The following CHCHD6 variants were observed in gnomAD, a reference collection of about 807,000 sequenced individuals.
The protein encoded by CHCHD6 is coiled-coil-helix-coiled-coil-helix domain containing 6, also known as MICOS complex subunit MIC25.
A neutral mutation model predicts 32.3 loss-of-function variants in CHCHD6; 28 were observed. The observed-to-expected ratio is 0.87, with a 90% confidence interval of 0.64 to 1.19. CHCHD6 has a LOEUF of 1.19. Among genes scored for constraint, CHCHD6 ranks in the 50% most tolerant of loss-of-function variants. The pLI is 0.00. For missense variants in CHCHD6, 333 were observed against 307.0 expected, an observed-to-expected ratio of 1.08 and a Z score of -0.63; for synonymous variants, 122 against 117.5, an observed-to-expected ratio of 1.04 and a Z score of -0.25.
intron 4 of CHCHD6, chr3:126,766,951 T>TGGGA (rs1937394803): frequency 9.9e-7 from 1 of 1,010,230 alleles, no homozygotes; most frequent in South Asian, 1.4e-5. Context: ...GACTCACTTC[T>TGGGA]GGGAGTCCAG....
intron 4 of CHCHD6, among the ~76,000 whole-genome samples, chr3:126,734,563 C>T (rs1935956360): frequency 6.6e-6 from 1 of 152,172 alleles, no homozygotes; most frequent in Non-Finnish European, 1.5e-5. Context: ...GAACCAGGCC[C>T]TCTGGGAAAT....
intron 5 of CHCHD6, among the ~76,000 whole-genome samples, chr3:126,864,934 T>A (rs1429724994): frequency 1.4e-5 from 2 of 143,304 alleles, no homozygotes; most frequent in Admixed American, 6.9e-5. Flanking sequence ...CACCATCACC[T>A]CCTCCTCCAC....
chr3:126,779,855 C>A (rs1349569034), intron 4 of CHCHD6, among the ~76,000 whole-genome samples: 1 of 152,204 alleles, frequency 6.6e-6, no homozygotes, highest in African/African-American at 2.4e-5. Flanking sequence ...AGGTTATAAA[C>A]TCCTTAGGGC....
intron 4 of CHCHD6, among the ~76,000 whole-genome samples, chr3:126,829,884 G>T (rs1284547016): frequency 6.6e-6 from 1 of 152,112 alleles, no homozygotes; most frequent in African/African-American, 2.4e-5. Context: ...GATCACCTGA[G>T]GTCAGGAGTT....
chr3:126,864,036 C>T (rs975136414), intron 5 of CHCHD6, among the ~76,000 whole-genome samples: 6 of 150,200 alleles, frequency 4.0e-5, no homozygotes. Context: ...CCACCATCAC[C>T]ACCTCCTCCT....
At chr3:126,839,043 T>C (rs1023063130) in intron 4 of CHCHD6, among the ~76,000 whole-genome samples, 1 of 151,956 alleles carries the variant, frequency 6.6e-6, no homozygotes, top group African/African-American at 2.4e-5. Flanking sequence ...CATGCACCAC[T>C]ATGCCCAGCT....
chr3:126,809,201 T>G (rs1343149428), intron 4 of CHCHD6, among the ~76,000 whole-genome samples: 1 of 152,192 alleles, frequency 6.6e-6, no homozygotes, highest in Non-Finnish European at 1.5e-5. Flanking sequence ...CTGGAACTCC[T>G]GGCATCAAGT....
At chr3:126,708,159 A>G (rs1934585135) in intron 1 of CHCHD6, among the ~76,000 whole-genome samples, 1 of 152,204 alleles carries the variant, frequency 6.6e-6, no homozygotes, top group African/African-American at 2.4e-5. Context: ...TGAAGAGTGC[A>G]TATTCACTCT....
At chr3:126,869,409 A>G (rs1255974529) in intron 5 of CHCHD6, among the ~76,000 whole-genome samples, 2 of 151,842 alleles carry the variant, frequency 1.3e-5, no homozygotes, top group East Asian at 1.9e-4. Context: ...GATACATCCA[A>G]ACTTCTCAAT....
At chr3:126,855,281 C>T (rs1941623502) in intron 5 of CHCHD6, among the ~76,000 whole-genome samples, 1 of 152,182 alleles carries the variant, frequency 6.6e-6, no homozygotes, top group Non-Finnish European at 1.5e-5. Flanking sequence ...AGCCCATGAG[C>T]CTTGGCTCCC....
intron 6 of CHCHD6, among the ~76,000 whole-genome samples, chr3:126,951,797 G>A (rs2078719159): frequency 6.6e-6 from 1 of 152,198 alleles, no homozygotes; most frequent in Non-Finnish European, 1.5e-5. Context: ...ATGGCAGGGT[G>A]ACAGGTCACA....
At chr3:126,824,866 A>G (rs1184229034) in intron 4 of CHCHD6, among the ~76,000 whole-genome samples, 1 of 152,074 alleles carries the variant, frequency 6.6e-6, no homozygotes, top group Non-Finnish European at 1.5e-5. Flanking sequence ...GGTGTGAGCC[A>G]CTGTGCCCGG....
rs539700471 is a variant in CHCHD6, at chr3:126,957,151, C to G, written c.567-265C>G. 142 of 535,182 alleles carry G rather than the reference C, an allele frequency of 2.7e-4. 1 individual carries two copies. In the East Asian group the frequency reaches 4.4e-3, roughly 16 times the overall value. 33.2% of individuals were successfully genotyped at this position (535,182 alleles called of 1,614,324 possible). ...GTACACAGGCCCCAGTGAAGGAGCC[C>G]GGTGTGGAGCCCCATACCACAGCAT... On this transcript the variant is annotated intron_variant, in intron 6 of 7. Coordinates refer to ENST00000290913, the MANE Select transcript of CHCHD6 (RefSeq NM_032343.3).
At chr3:126,924,918 C>T (rs756720245) in intron 6 of CHCHD6, among the ~76,000 whole-genome samples, 1 of 152,234 alleles carries the variant, frequency 6.6e-6, no homozygotes, top group African/African-American at 2.4e-5. Flanking sequence ...GCCTCCATCA[C>T]CTGCCTTTCA....
chr3:126,726,867 T>C (rs528850768), intron 1 of CHCHD6, among the ~76,000 whole-genome samples: 7 of 152,162 alleles, frequency 4.6e-5, no homozygotes, highest in African/African-American at 1.7e-4. Flanking sequence ...AGGGGACATA[T>C]ATTGGTAGGC....
chr3:126,775,162 G>A (rs1305999030), intron 4 of CHCHD6, among the ~76,000 whole-genome samples: 1 of 152,120 alleles, frequency 6.6e-6, no homozygotes, highest in African/African-American at 2.4e-5. Flanking sequence ...TCAAAGATTT[G>A]GTTCACATTA....
At chr3:126,878,943 A>G (rs1001820911) in intron 5 of CHCHD6, among the ~76,000 whole-genome samples, 2 of 152,148 alleles carry the variant, frequency 1.3e-5, no homozygotes, top group Non-Finnish European at 1.5e-5. Flanking sequence ...ATCTGGGAAG[A>G]CTTGATGGCT....
intron 5 of CHCHD6, among the ~76,000 whole-genome samples, chr3:126,876,480 G>C (rs371298253): frequency 5.9e-5 from 9 of 152,130 alleles, no homozygotes; most frequent in Admixed American, 4.6e-4. Flanking sequence ...TCTCATTCTT[G>C]GTATTTGTAT....
chr3:126,784,316 C>T (rs1034678085), intron 4 of CHCHD6, among the ~76,000 whole-genome samples: 2 of 152,220 alleles, frequency 1.3e-5, no homozygotes, highest in Non-Finnish European at 2.9e-5. Flanking sequence ...CTTTCTCTTT[C>T]CTTTCAATGC....
Sources: gnomAD v4.1 joint callset for allele counts (sites outside exome capture counted in the v4.1 genomes callset) on GRCh38, gnomAD v4.1.1 for gene constraint, MANE v1.5 for transcripts, NCBI Gene and HGNC (gene_info 2026-07-23, HGNC 2026-07-21) for gene names.